CARNMT1: variants seen among roughly 807,000 people sequenced by gnomAD.
The protein encoded by CARNMT1 is carnosine N-methyltransferase 1, also known as protein-L-histidine N-pros-methyltransferase CARNMT1.
A neutral mutation model predicts 49.6 loss-of-function variants in CARNMT1; 28 were observed. The observed-to-expected ratio is 0.56, with a 90% CI of 0.42 to 0.77. CARNMT1 has a LOEUF of 0.77. Among genes scored for constraint, CARNMT1 ranks in the 30% least tolerant of loss-of-function variants. CARNMT1 has a pLI of 0.00. For missense variants in CARNMT1, 421 were observed against 512.6 expected (o/e 0.82, Z 1.73); for synonymous variants, 178 against 175.0 (o/e 1.02, Z -0.13).
intron 6 of CARNMT1, among the ~76,000 whole-genome samples, chr9:74,987,229 G>C (rs1832871021): frequency 6.6e-6 from 1 of 152,138 alleles, no homozygotes; most frequent in Admixed American, 6.6e-5. Context: ...CACCTTGCCA[G>C]TTTCTAAGTT....
At chr9:74,992,950 A>G (rs1833073426) in intron 6 of CARNMT1, among the ~76,000 whole-genome samples, 1 of 152,234 alleles carries the variant, frequency 6.6e-6, no homozygotes, top group Admixed American at 6.5e-5. Flanking sequence ...CTATATAATT[A>G]AAGCCAAAAC....
In CARNMT1 at chr9:74,998,792, A is replaced by T. The variant is rs1833272022; in HGVS notation, c.732-16T>A. The T allele has an allele frequency of 6.8e-7, 1 of 1,462,018 alleles. No homozygotes were observed. Among genetic ancestry groups the T allele is most frequent in the Non-Finnish European group, 9.2e-7 (1 of 1,087,424 alleles). 90.6% of individuals were successfully genotyped at this position (1,462,018 alleles called of 1,614,324 possible). A position where few individuals can be genotyped will look rare whatever the true frequency, so the allele number is the denominator to read the frequency against. Reference sequence around the variant, plus strand: ...TTCAGAACATCTGCAAAATATGAGTATAAAATCAGGTGTTAACTAAATATT... The same window carrying T: ...TTCAGAACATCTGCAAAATATGAGTTTAAAATCAGGTGTTAACTAAATATT... On this transcript the variant is annotated splice_polypyrimidine_tract_variant and intron_variant, in intron 4 of 7. Coordinates refer to ENST00000376834, the MANE Select transcript of CARNMT1 (RefSeq NM_152420.3).
At chr9:75,022,997 C>T (rs1412432734) in intron 1 of CARNMT1, among the ~76,000 whole-genome samples, 1 of 152,016 alleles carries the variant, frequency 6.6e-6, no homozygotes, top group African/African-American at 2.4e-5. Context: ...AAAAAATTAG[C>T]CAGGCATGGT....
intron 6 of CARNMT1, among the ~76,000 whole-genome samples, chr9:74,988,737 A>G (rs1175057694): frequency 6.6e-6 from 1 of 152,146 alleles, no homozygotes; most frequent in Non-Finnish European, 1.5e-5. Flanking sequence ...ATATATTCTT[A>G]TTTGTGTTTT....
At chr9:75,008,916 T>C (rs1375211540) in intron 3 of CARNMT1, among the ~76,000 whole-genome samples, 2 of 152,068 alleles carry the variant, frequency 1.3e-5, no homozygotes, top group Non-Finnish European at 2.9e-5. Flanking sequence ...TTTATAAAAC[T>C]ATGGCAATTA....
In CARNMT1 at chr9:74,999,909, G is replaced by GA. The variant is rs758182856; in HGVS notation, c.591-40dup. The GA allele has an allele frequency of 2.3e-5, 36 of 1,537,556 alleles. No individual in the cohort carries two copies. In the Middle Eastern group the frequency reaches 8.7e-4, roughly 37 times the overall value. On this transcript the variant is annotated intron_variant, in intron 3 of 7. Coordinates refer to ENST00000376834, the MANE Select transcript of CARNMT1 (RefSeq NM_152420.3). ...AGGCAATTATGTCCAACCCCTCAAA[G>GA]AAAAAAAGGAAAAGACAAAATCCAC...
chr9:75,020,048 A>G (rs1822297581), intron 1 of CARNMT1, among the ~76,000 whole-genome samples: 1 of 152,184 alleles, frequency 6.6e-6, no homozygotes, highest in Non-Finnish European at 1.5e-5. Context: ...TGGAAAAACT[A>G]CACAGAAAGC....
chr9:75,009,239 C>CT (rs1833613607), intron 3 of CARNMT1, among the ~76,000 whole-genome samples: 1 of 151,834 alleles, frequency 6.6e-6, no homozygotes, highest in Non-Finnish European at 1.5e-5. Flanking sequence ...TTCTTTTTAA[C>CT]TTTAGAGGTA....
intron 6 of CARNMT1, among the ~76,000 whole-genome samples, chr9:74,992,387 C>T (rs1309327686): frequency 2.0e-5 from 3 of 152,166 alleles, no homozygotes; most frequent in Non-Finnish European, 4.4e-5. Context: ...GATGTAGTTA[C>T]ATTTTAATTC....
chr9:75,000,185 A>G (rs1018919387), intron 3 of CARNMT1, among the ~76,000 whole-genome samples: 3 of 152,140 alleles, frequency 2.0e-5, no homozygotes, highest in Non-Finnish European at 2.9e-5. Flanking sequence ...TCTTAGAAAG[A>G]CAAATTATTC....
chr9:75,021,414 CTATA>C lies in CARNMT1; in HGVS notation c.231-3970_231-3967del, dbSNP rs913466080. On this transcript the variant is annotated intron_variant, in intron 1 of 7. Transcript: ENST00000376834. The stretch of plus-strand genomic sequence containing the variant: ...ATACAGTATATATACTATATACATA[CTATA>C]TATAGTATAAATAGTATATATAATA... Among the ~76,000 whole-genome samples the C allele has an allele frequency of 2.1e-5, 3 of 143,856 alleles. No individual in the cohort carries two copies. The Admixed American group carries it at 2.1e-4, about 10-fold the overall frequency. 94.4% of individuals were successfully genotyped at this position (143,856 alleles called of 152,430 possible). A position where few individuals can be genotyped will look rare whatever the true frequency, so the allele number is the denominator to read the frequency against.
At chr9:75,016,948 A>T (rs1472038656) in intron 2 of CARNMT1, 5 of 399,658 alleles carry the variant, frequency 1.3e-5, no homozygotes, top group Admixed American at 8.7e-5. Flanking sequence ...AGGGAAATTA[A>T]TTTCTAGCTA....
chr9:75,022,149 C>G (rs1485219480), intron 1 of CARNMT1, among the ~76,000 whole-genome samples: 1 of 144,504 alleles, frequency 6.9e-6, no homozygotes, highest in African/African-American at 2.6e-5. Flanking sequence ...CAAAATCTGT[C>G]TATAATTTAG....
chr9:74,998,728 A>G lies in CARNMT1; in HGVS notation c.780T>C (p.Phe260=). ...KYKLYPWIHQ[F]SNNRRSADQI... Reference sequence around the variant, plus strand: ...GATCAGCTGATCTCCGGTTATTGCTAAACTGATGGATCCAAGGATAAAGTT... The same window carrying G: ...GATCAGCTGATCTCCGGTTATTGCTGAACTGATGGATCCAAGGATAAAGTT... Residue 260 remains phenylalanine (F), a synonymous_variant, in exon 5 of 8, where the codon TTT becomes TTC. Transcript: ENST00000376834. 1 of 1,593,516 alleles carries G rather than the reference A, an allele frequency of 6.3e-7. No individual in the cohort carries two copies. The highest frequency in any genetic ancestry group is 8.5e-7 in the Non-Finnish European group (1 of 1,169,896).
intron 7 of CARNMT1, among the ~76,000 whole-genome samples, chr9:74,984,616 G>A (rs1832773941): frequency 1.3e-5 from 2 of 151,948 alleles, no homozygotes; most frequent in South Asian, 2.1e-4. Flanking sequence ...AATTACCTTC[G>A]GGCTATGCTT....
intron 3 of CARNMT1, among the ~76,000 whole-genome samples, chr9:75,005,827 AACACACACACACACAC>A (rs10569961): frequency 0.018 from 2,435 of 135,802 alleles, 23 homozygotes; most frequent in Non-Finnish European, 0.025. Flanking sequence ...GTGAAATTAA[AACACACACACACACAC>A]ACACACACAC....
In CARNMT1 at chr9:75,028,192, C is replaced by T; in HGVS notation, c.50G>A (p.Gly17Asp). 4 of 1,495,926 alleles carry T rather than the reference C, an allele frequency of 2.7e-6. No homozygotes were observed. The highest frequency in any genetic ancestry group is 1.3e-5 in the South Asian group (1 of 78,222). The allele number at this position is 1,495,926 out of a possible 1,614,324, so 92.7% of individuals were successfully genotyped here. A position where few individuals can be genotyped will look rare whatever the true frequency, so the allele number is the denominator to read the frequency against. Residue 17 changes from glycine (G) to aspartate (D), a missense_variant, in exon 1 of 8, where the codon GGC becomes GAC. By Grantham distance (94) the Gly-to-Asp change is moderately conservative (BLOSUM62 -1). This residue lies in a region of CARNMT1 where 186 missense variants were observed against 167.9 expected (regional missense o/e 1.11). Transcript: ENST00000376834. ...GCTGCCACCGCCTCCTCCCCCGCAGCCCTCGGGCAGCCGGGAGGTGGGCGG... is the reference window on the plus strand; with the variant it reads ...GCTGCCACCGCCTCCTCCCCCGCAGTCCTCGGGCAGCCGGGAGGTGGGCGG... Reference protein sequence around the residue: ...PPPPTSRLPEGCGGGGGGSEE... With the variant: ...PPPPTSRLPEDCGGGGGGSEE...
intron 5 of CARNMT1, 84 bp downstream of exon 5, chr9:74,998,514 A>T: frequency 1.8e-6 from 2 of 1,131,612 alleles, no homozygotes; most frequent in Non-Finnish European, 2.4e-6. Context: ...AAAATGAATG[A>T]TCTAAACCTT....
intron 3 of CARNMT1, among the ~76,000 whole-genome samples, chr9:75,007,807 G>GCTA (rs1833562348): frequency 6.7e-6 from 1 of 149,618 alleles, no homozygotes; most frequent in South Asian, 2.1e-4. Context: ...AAGTCCCACA[G>GCTA]CTACTCAATG....
Sources: allele counts gnomAD v4.1 joint callset (sites outside exome capture counted in the v4.1 genomes callset), GRCh38; gene constraint gnomAD v4.1.1; regional missense constraint gnomAD v4.1.1; transcripts MANE v1.5; gene names NCBI Gene and HGNC (gene_info 2026-07-23, HGNC 2026-07-21).